Variants in SMIM20 observed in about 807,000 individuals in gnomAD.
SMIM20 encodes small integral membrane protein 20.
A neutral mutation model predicts 8.7 loss-of-function variants in SMIM20; 3 were observed. The observed-to-expected ratio is 0.34, with a 90% confidence interval of 0.16 to 0.89. SMIM20 has a LOEUF of 0.89. Among genes scored for constraint, SMIM20 ranks in the 40% least tolerant of loss-of-function variants. The pLI, the probability that SMIM20 is intolerant of heterozygous loss-of-function variation, is 0.49. For missense variants in SMIM20, 85 were observed against 84.8 expected, an observed-to-expected ratio of 1.00 and a Z score of -0.01; for synonymous variants, 44 against 33.6, an observed-to-expected ratio of 1.31 and a Z score of -1.07.
At chr4:25,917,576 G>A (rs1408421350) in intron 1 of SMIM20, among the ~76,000 whole-genome samples, 1 of 152,148 alleles carries the variant, frequency 6.6e-6, no homozygotes, top group East Asian at 1.9e-4. Context: ...CATTCAACTA[G>A]CATTTATTTA....
chr4:25,917,210 G>T (rs1014106829), intron 1 of SMIM20, among the ~76,000 whole-genome samples: 20 of 151,742 alleles, frequency 1.3e-4, no homozygotes, highest in Non-Finnish European at 2.6e-4. Context: ...GGCAATGGGG[G>T]AGATGAGTGT....
At position 25,925,106 on chromosome 4, in the gene SMIM20, A is replaced by T. The variant is rs919122904; in HGVS notation, c.110-3207A>T. Reference sequence around the variant, plus strand: ...ATTCCAAAATCTGAAAAAAATCCTAAATCCAAACCAATTCTGTTCTCAACC... The same window carrying T: ...ATTCCAAAATCTGAAAAAAATCCTATATCCAAACCAATTCTGTTCTCAACC... On this transcript the variant is annotated intron_variant, in intron 1 of 2. Transcript: ENST00000506197. Among the ~76,000 whole-genome samples the T allele has an allele frequency of 7.2e-5, 11 of 152,214 alleles. No homozygotes were observed. In the South Asian group the frequency reaches 1.0e-3, roughly 14 times the overall value.
intron 1 of SMIM20, among the ~76,000 whole-genome samples, chr4:25,915,854 T>TGGGGGGGGGGGG (rs1267183562): frequency 1.1e-4 from 2 of 18,792 alleles, no homozygotes; most frequent in African/African-American, 4.2e-4. Context: ...CAACTTGGGA[T>TGGGGGGGGGGGG]GGGGCGGGGG....
At chr4:25,917,946 G>GT (rs537806550) in intron 1 of SMIM20, among the ~76,000 whole-genome samples, 20,281 of 127,880 alleles carry the variant, frequency 0.16, 1,830 homozygotes, top group East Asian at 0.32. Context: ...TTTTTTTTTT[G>GT]TTTTTTTTTT....
chr4:25,921,823 A>C (rs1719208175), intron 1 of SMIM20, among the ~76,000 whole-genome samples: 1 of 152,126 alleles, frequency 6.6e-6, no homozygotes, highest in Non-Finnish European at 1.5e-5. Context: ...TCAGAGGAAG[A>C]GAAAGGCCCT....
intron 1 of SMIM20, among the ~76,000 whole-genome samples, chr4:25,925,696 C>G (rs1309689082): frequency 1.3e-5 from 2 of 152,160 alleles, no homozygotes; most frequent in African/African-American, 4.8e-5. Context: ...GCTGAGGGAG[C>G]TGGGGCTTGA....
chr4:25,915,864 G>A (rs79068461), intron 1 of SMIM20, among the ~76,000 whole-genome samples: 3 of 126,656 alleles, frequency 2.4e-5, no homozygotes, highest in Non-Finnish European at 3.4e-5. Context: ...TGGGGCGGGG[G>A]GGGGGTCGAG....
At chr4:25,917,738 C>G (rs957679853) in intron 1 of SMIM20, among the ~76,000 whole-genome samples, 6 of 152,208 alleles carry the variant, frequency 3.9e-5, no homozygotes, top group African/African-American at 1.2e-4. Context: ...TCGCTCCACC[C>G]ATTCCTGGGA....
At chr4:25,923,613 C>T (rs904368366) in intron 1 of SMIM20, among the ~76,000 whole-genome samples, 15 of 152,314 alleles carry the variant, frequency 9.8e-5, no homozygotes, top group South Asian at 2.1e-4. Flanking sequence ...AGTGAAAGGC[C>T]ACAGGGGAGA....
At position 25,914,292 on chromosome 4, in the gene SMIM20, G is replaced by C; in HGVS notation, c.-22G>C. On this transcript the variant is annotated 5_prime_UTR_variant, in exon 1 of 3. Coordinates refer to ENST00000506197, the MANE Select transcript of SMIM20 (RefSeq NM_001145432.3). ...AGAGTGCCGGGCGGTCGGCGGGTCA[G>C]GGCAGCCCGGGGCCTGACGCCATGT... 1.3e-6 allele frequency: 2 copies of C among 1,547,124 alleles called. No individual in the cohort carries two copies. The highest frequency in any genetic ancestry group is 1.7e-6 in the Non-Finnish European group (2 of 1,143,978).
chr4:25,923,002 A>G (rs1428892599), intron 1 of SMIM20, among the ~76,000 whole-genome samples: 3 of 152,228 alleles, frequency 2.0e-5, no homozygotes, highest in Admixed American at 6.5e-5. Context: ...GTTCAGCATG[A>G]TCTTCAGTTC....
chr4:25,927,018 T>G (rs1178520608), intron 1 of SMIM20, among the ~76,000 whole-genome samples: 1 of 152,106 alleles, frequency 6.6e-6, no homozygotes, highest in African/African-American at 2.4e-5. Context: ...ACACCTTTTG[T>G]GTTATTTCAG....
chr4:25,926,553 G>T (rs1711516853), intron 1 of SMIM20, among the ~76,000 whole-genome samples: 2 of 152,236 alleles, frequency 1.3e-5, no homozygotes, highest in African/African-American at 4.8e-5. Context: ...TAGCAAGAAA[G>T]TGTGAAGACA....
At chr4:25,916,469 C>T (rs998450095) in intron 1 of SMIM20, among the ~76,000 whole-genome samples, 14 of 152,022 alleles carry the variant, frequency 9.2e-5, no homozygotes, top group African/African-American at 3.4e-4. Flanking sequence ...GCCTTGGCCT[C>T]CCAAAGTGCT....
intron 1 of SMIM20, among the ~76,000 whole-genome samples, chr4:25,919,247 A>G (rs1480065306): frequency 2.0e-5 from 3 of 152,124 alleles, no homozygotes; most frequent in Admixed American, 1.3e-4. Flanking sequence ...TTTTAATCCA[A>G]CCTGATAAGC....
rs1478431602 is a variant in SMIM20 at position 25,914,299 on chromosome 4, C to G, written c.-15C>G. ...CGGGCGGTCGGCGGGTCAGGGCAGC[C>G]CGGGGCCTGACGCCATGTCCCGGAA... On this transcript the variant is annotated 5_prime_UTR_variant, in exon 1 of 3. Coordinates refer to ENST00000506197, the MANE Select transcript of SMIM20 (RefSeq NM_001145432.3). 5.2e-6 allele frequency: 8 copies of G among 1,548,928 alleles called. No homozygotes were observed. The highest frequency in any genetic ancestry group is 1.7e-6 in the Non-Finnish European group (2 of 1,145,192).
chr4:25,918,474 C>T (rs1337273882), intron 1 of SMIM20, among the ~76,000 whole-genome samples: 1 of 151,976 alleles, frequency 6.6e-6, no homozygotes, highest in Non-Finnish European at 1.5e-5. Context: ...TCTTCCCCAT[C>T]TCTATTTTAT....
chr4:25,928,383 A>T lies in SMIM20; in HGVS notation c.166+14A>T. The T allele has an allele frequency of 6.5e-7, 1 of 1,548,892 alleles. No homozygotes were observed. The highest frequency in any genetic ancestry group is 2.0e-5 in the Admixed American group (1 of 50,620). On this transcript the variant is annotated intron_variant, in intron 2 of 2. Transcript: ENST00000506197. ...TGCAGCCACCAGGTAAACTGAAAAA[A>T]AAAAATCAAAACCAAATCTTATTTG...
chr4:25,928,017 T>G (rs1163660114), intron 1 of SMIM20, among the ~76,000 whole-genome samples: 1 of 152,250 alleles, frequency 6.6e-6, no homozygotes, highest in African/African-American at 2.4e-5. Context: ...TTGTTCTTTT[T>G]TTGTTGTTGT....
Sources: gnomAD v4.1 joint callset for allele counts (sites outside exome capture counted in the v4.1 genomes callset) on GRCh38, gnomAD v4.1.1 for gene constraint, MANE v1.5 for transcripts, NCBI Gene and HGNC (gene_info 2026-07-23, HGNC 2026-07-21) for gene names.